The following WDFY4 variants were observed in gnomAD, a reference collection of about 807,000 sequenced individuals.
WDFY4 encodes WD repeat- and FYVE domain-containing protein 4.
Under a neutral mutation model 351.9 loss-of-function variants are expected in WDFY4, and 169 were observed. The observed-to-expected ratio is 0.48, with a 90% CI of 0.42 to 0.55. The LOEUF (loss-of-function observed/expected upper bound fraction) is 0.55, where lower values mean the gene tolerates loss of function less well. WDFY4 is among the 20% of genes least tolerant of loss of function. WDFY4 has a pLI of 0.00. For missense variants in WDFY4, 3,803 were observed against 3,935.6 expected (o/e 0.97, Z 0.90); for synonymous variants, 1,622 against 1,574.6 (o/e 1.03, Z -0.71).
At chr10:48,741,438 G>A (rs2064845322) in intron 11 of WDFY4, among the ~76,000 whole-genome samples, 1 of 99,194 alleles carries the variant, frequency 1.0e-5, no homozygotes, top group South Asian at 4.0e-4. Context: ...GGGTGACAGA[G>A]CAAGACTCCG....
In WDFY4 at chr10:48,721,043, G is replaced by A. The variant is rs564492233; in HGVS notation, c.350-218G>A. ...CAGGAACCACTGATGGTTGCTAAAC[G>A]GGGACGGTGGCACAAAAAACGCTGT... is the stretch of plus-strand genomic sequence containing the variant. On this transcript the variant is annotated intron_variant, in intron 3 of 61. Transcript: ENST00000325239. Among the ~76,000 whole-genome samples the A allele has an allele frequency of 2.6e-5, 4 of 152,296 alleles. No individual in the cohort carries two copies. The South Asian group carries it at 6.2e-4, about 24-fold the overall frequency.
chr10:48,732,003 G>T (rs949054486), intron 9 of WDFY4, among the ~76,000 whole-genome samples: 2 of 152,122 alleles, frequency 1.3e-5, no homozygotes, highest in Non-Finnish European at 1.5e-5. Context: ...GCTCCTTGGG[G>T]TCTTGCGGGC....
chr10:48,700,341 G>C (rs1176159025), intron 1 of WDFY4, among the ~76,000 whole-genome samples: 2 of 152,208 alleles, frequency 1.3e-5, no homozygotes, highest in Non-Finnish European at 2.9e-5. Flanking sequence ...TCCTGCAGGA[G>C]CTCCAATGCT....
In WDFY4 at chr10:48,963,955, CTT is replaced by C; in HGVS notation, c.8338_8339del (p.Phe2780LeufsTer3). 1 of 1,551,246 alleles carries C rather than the reference CTT, an allele frequency of 6.4e-7. No individual in the cohort carries two copies. Among genetic ancestry groups the C allele is most frequent in the Non-Finnish European group, 8.7e-7 (1 of 1,146,998 alleles). On this transcript the variant is annotated frameshift_variant, in exon 54 of 62. Coordinates refer to ENST00000325239, the MANE Select transcript of WDFY4 (RefSeq NM_001394531.1). LOFTEE classifies it high-confidence loss of function. ...VDAVNIFHPY[F>X]YGDRMDLSSI... ...ATGCTGTTAATATCTTCCACCCCTA[CTT>C]CTACGGTGACAGAATGGACCTCAGC... is the stretch of plus-strand genomic sequence containing the variant.
intron 6 of WDFY4, 93 bp from the exon 7 acceptor site, chr10:48,727,377 C>T: frequency 7.9e-7 from 1 of 1,264,102 alleles, no homozygotes; most frequent in Non-Finnish European, 1.1e-6. Flanking sequence ...CATGTCTTGA[C>T]ATGTTGTTTG....
chr10:48,722,674 C>T (rs2064130361), intron 4 of WDFY4, among the ~76,000 whole-genome samples: 1 of 132,026 alleles, frequency 7.6e-6, no homozygotes, highest in Non-Finnish European at 1.8e-5. Flanking sequence ...CACACGTGCA[C>T]ACACACATGC....
At chr10:48,725,309 G>T (rs1349642574) in intron 5 of WDFY4, among the ~76,000 whole-genome samples, 1 of 152,208 alleles carries the variant, frequency 6.6e-6, no homozygotes, top group Non-Finnish European at 1.5e-5. Context: ...TAAAGTGAGT[G>T]AGAAGGCAGT....
chr10:48,879,444 C>T lies in WDFY4; in HGVS notation c.7167+2245C>T, dbSNP rs566060268. On this transcript the variant is annotated intron_variant, in intron 43 of 61. Coordinates refer to ENST00000325239, the MANE Select transcript of WDFY4 (RefSeq NM_001394531.1). ...TGCTTTCCTGATTATGTGGTGTCTC[C>T]ATATTGGTTCTTTTCATTGCTTTAA... Among the ~76,000 whole-genome samples the T allele has an allele frequency of 2.8e-4, 42 of 152,330 alleles. 1 individual carries two copies. The South Asian group carries it at 8.1e-3, about 29-fold the overall frequency.
intron 29 of WDFY4, among the ~76,000 whole-genome samples, chr10:48,811,050 T>A (rs907264536): frequency 6.6e-6 from 1 of 152,226 alleles, no homozygotes; most frequent in African/African-American, 2.4e-5. Context: ...TGTGGATTCA[T>A]CCTGAGATCT....
intron 2 of WDFY4, among the ~76,000 whole-genome samples, chr10:48,717,957 A>T (rs958579357): frequency 6.6e-6 from 1 of 152,148 alleles, no homozygotes; most frequent in Non-Finnish European, 1.5e-5. Flanking sequence ...CTGTAACTTT[A>T]TTGGATCAGG....
At chr10:48,971,162 TG>T (rs1241307597) in intron 57 of WDFY4, among the ~76,000 whole-genome samples, 4 of 152,206 alleles carry the variant, frequency 2.6e-5, no homozygotes, top group African/African-American at 9.6e-5. Flanking sequence ...AATTCATTTC[TG>T]CATCTATTTT....
intron 12 of WDFY4, among the ~76,000 whole-genome samples, chr10:48,747,163 GTTA>G (rs1416523210): frequency 2.0e-5 from 3 of 152,160 alleles, no homozygotes; most frequent in Non-Finnish European, 4.4e-5. Context: ...TTGGTTGACA[GTTA>G]TTTTCTCACA....
intron 60 of WDFY4, chr10:48,979,621 GGAC>G: frequency 6.6e-6 from 1 of 151,328 alleles, no homozygotes; most frequent in African/African-American, 2.4e-5. Flanking sequence ...ATGGATGGAT[GGAC>G]GGGTGGATGG....
At chr10:48,891,202 C>T (rs2070682388) in intron 44 of WDFY4, among the ~76,000 whole-genome samples, 1 of 152,170 alleles carries the variant, frequency 6.6e-6, no homozygotes, top group Non-Finnish European at 1.5e-5. Context: ...GGAGGGATGG[C>T]CTGGGACTGG....
intron 51 of WDFY4, among the ~76,000 whole-genome samples, chr10:48,955,721 A>G (rs1464800782): frequency 6.6e-6 from 1 of 152,224 alleles, no homozygotes; most frequent in East Asian, 1.9e-4. Flanking sequence ...CATGGACCAG[A>G]CATGCCAAGA....
intron 47 of WDFY4, 143 bp from the exon 48 acceptor site, chr10:48,941,663 G>A (rs900425144): frequency 1.4e-5 from 11 of 789,006 alleles, no homozygotes; most frequent in African/African-American, 1.0e-4. Context: ...TGTGCTGTCC[G>A]CTGAGAGTTG....
chr10:48,716,849 C>G (rs111921279), intron 2 of WDFY4, among the ~76,000 whole-genome samples: 3 of 152,120 alleles, frequency 2.0e-5, no homozygotes, highest in East Asian at 1.9e-4. Context: ...ATCGTAGCAG[C>G]GTTCTCATTT....
At chr10:48,715,998 G>T (rs2063897580) in intron 2 of WDFY4, among the ~76,000 whole-genome samples, 1 of 152,154 alleles carries the variant, frequency 6.6e-6, no homozygotes, top group Non-Finnish European at 1.5e-5. Context: ...GTAAGGGTAA[G>T]CCCTCCTCTT....
At chr10:48,934,071 T>A (rs1371704467) in intron 47 of WDFY4, among the ~76,000 whole-genome samples, 2 of 152,148 alleles carry the variant, frequency 1.3e-5, no homozygotes, top group African/African-American at 4.8e-5. Context: ...CCAGAAGGCA[T>A]GTGATCAGAG....
Sources: allele counts gnomAD v4.1 joint callset (sites outside exome capture counted in the v4.1 genomes callset), GRCh38; gene constraint gnomAD v4.1.1; transcripts MANE v1.5; gene names NCBI Gene and HGNC (gene_info 2026-07-23, HGNC 2026-07-21).